The following DDX42 variants were observed in gnomAD, a reference collection of about 807,000 sequenced individuals.
DDX42 encodes the protein DEAD-box helicase 42.
In DDX42, 22 loss-of-function variants were observed where a neutral mutation model predicts 101.5. The ratio of observed to expected loss-of-function variants is 0.22; its 90% CI spans 0.15 to 0.31. DDX42 has a LOEUF of 0.31. Ranked by LOEUF, DDX42 falls within the 10% of genes least tolerant of loss-of-function variation. DDX42 has a pLI of 1.00. For synonymous variants in DDX42, 402 were observed against 401.2 expected (o/e 1.00, Z -0.02); for missense variants, 849 against 1,199.9 (o/e 0.71, Z 4.32).
chr17:63,797,801 A>G (rs2039711972), intron 3 of DDX42, among the ~76,000 whole-genome samples: 1 of 152,194 alleles, frequency 6.6e-6, no homozygotes, highest in South Asian at 2.1e-4. Context: ...ATTTTTGTTC[A>G]TTTTTCCATG....
intron 1 of DDX42, among the ~76,000 whole-genome samples, chr17:63,781,444 C>T (rs528263311): frequency 1.3e-5 from 2 of 152,098 alleles, no homozygotes; most frequent in South Asian, 2.1e-4. Context: ...GTCTTGATCT[C>T]CTGACCTTGT....
Position 63,800,530 on chromosome 17 carries a change from A to G in DDX42, c.534A>G (p.Glu178=), listed in dbSNP as rs2039749705. The G allele has an allele frequency of 6.2e-6, 10 of 1,614,112 alleles. No homozygotes were observed. The highest frequency in any genetic ancestry group is 7.6e-6 in the Non-Finnish European group (9 of 1,179,986). The change falls in exon 6 of 18, where the codon GAA becomes GAG. Residue 178 remains glutamate, a synonymous_variant. Transcript: ENST00000389924. The part of the protein sequence containing the change: ...PTAGVVQEEE[E]DNLEYDSDGN... ...CTGGTGTGGTTCAGGAGGAAGAGGA[A>G]GACAATCTAGAATATGATAGTGACG...
In DDX42 at chr17:63,818,712, G is replaced by A. The variant is rs916660637; in HGVS notation, c.*314G>A. On this transcript the variant is annotated 3_prime_UTR_variant, in exon 18 of 18. Transcript: ENST00000389924. ...ACAAAACTCACTCTAGGTTTATATTGTATGTAGCTTATATTTTTTACTAAG... is the reference window on the plus strand; with the variant it reads ...ACAAAACTCACTCTAGGTTTATATTATATGTAGCTTATATTTTTTACTAAG... 7.8e-6 allele frequency: 2 copies of A among 255,454 alleles called. No homozygotes were observed. The highest frequency in any genetic ancestry group is 4.4e-5 in the African/African-American group (2 of 45,482). The allele number at this position is 255,454 out of a possible 1,614,324, so 15.8% of individuals were successfully genotyped here.
At chr17:63,806,798 C>A in intron 8 of DDX42, 144 bp downstream of exon 8, 1 of 807,180 alleles carries the variant, frequency 1.2e-6, no homozygotes, top group Non-Finnish European at 1.7e-6. Context: ...CTTAAGAAGT[C>A]ACTAAATGGC....
Position 63,813,447 on chromosome 17 carries a change from C to G in DDX42, c.1895C>G (p.Ala632Gly). 1 of 1,613,672 alleles carries G rather than the reference C, an allele frequency of 6.2e-7. No homozygotes were observed. ...GTTTCTAAGGAACTCCTAGATCTGG[C>G]AATGCAGGTGAGGGGCTGGGCACAC... is the stretch of plus-strand genomic sequence containing the variant. The part of the protein sequence containing the change: ...QHVSKELLDL[A>G]MQNAWFRKSR... The change falls in exon 15 of 18, where the codon GCA (alanine) becomes GGA (glycine). Residue 632 changes from alanine to glycine, a missense_variant. Around this residue, in one of 5 missense-constraint regions of DDX42, gnomAD observed 86 missense variants for 160.8 expected, o/e 0.53. Coordinates refer to ENST00000389924, the MANE Select transcript of DDX42 (RefSeq NM_203499.3).
At chr17:63,813,861 A>G (rs551267689) in intron 15 of DDX42, among the ~76,000 whole-genome samples, 2 of 151,098 alleles carry the variant, frequency 1.3e-5, no homozygotes, top group Admixed American at 1.3e-4. Context: ...TTTTTTTGAG[A>G]CAGAATCTCA....
intron 8 of DDX42, among the ~76,000 whole-genome samples, chr17:63,806,865 AATTT>A (rs1194761108): frequency 1.3e-5 from 2 of 152,216 alleles, no homozygotes; most frequent in Non-Finnish European, 2.9e-5. Flanking sequence ...TGAAGAAAAT[AATTT>A]ATTAGGCCTA....
chr17:63,817,530 T>A (rs1473784115), intron 17 of DDX42, 164 bp from the exon 18 acceptor site: 14 of 653,488 alleles, frequency 2.1e-5, no homozygotes, highest in Non-Finnish European at 3.6e-5. Context: ...TTTTCCTTTA[T>A]AGCACAAGAA....
intron 7 of DDX42, 107 bp downstream of exon 7, chr17:63,805,282 C>T: frequency 7.4e-7 from 1 of 1,358,906 alleles, no homozygotes; most frequent in Non-Finnish European, 1.0e-6. Flanking sequence ...CTAATGGTCT[C>T]TGAACTGTCT....
chr17:63,776,045 A>G (rs1184623360), intron 1 of DDX42: 1 of 152,210 alleles, frequency 6.6e-6, no homozygotes, highest in Non-Finnish European at 1.5e-5. Context: ...ACTGACCTGT[A>G]TATAGTGTGT....
At position 63,812,103 on chromosome 17, in the gene DDX42, A is replaced by C. The variant is rs1295833567; in HGVS notation, c.1570A>C (p.Asn524His). Residue 524 changes from asparagine to histidine, a missense_variant, in exon 14 of 18, where the codon AAT becomes CAT. Physicochemically the swap from Asn to His is moderately conservative, Grantham distance 68. This residue lies in a region of DDX42 where 370 missense variants were observed against 608.8 expected (regional missense o/e 0.61). Coordinates refer to ENST00000389924, the MANE Select transcript of DDX42 (RefSeq NM_203499.3). ...GAATAACCTTAAACAGGAGGGTCAT[A>C]ATCTTGGGCTGCTCCATGGGGATAT... ...LANNLKQEGHNLGLLHGDMDQ... is the reference protein window; with the variant it reads ...LANNLKQEGHHLGLLHGDMDQ... 2 of 1,614,140 alleles carry C rather than the reference A, an allele frequency of 1.2e-6. No homozygotes were observed. Among genetic ancestry groups the C allele is most frequent in the African/African-American group, 2.7e-5 (2 of 74,948 alleles).
rs150912873 is a variant in DDX42 at position 63,806,645 on chromosome 17, A to C, written c.837A>C (p.Ile279=). ...CTGAATACACACAGCCCACTCCAAT[A>C]CAGTGCCAGGTAAGTAAAACATAAT... The part of the protein sequence containing the change: ...RKSEYTQPTP[I]QCQGVPVALS... Residue 279 remains isoleucine (I), a synonymous_variant, in exon 8 of 18, where the codon ATA becomes ATC. Transcript: ENST00000389924. The C allele has an allele frequency of 2.5e-6, 4 of 1,609,622 alleles. No individual in the cohort carries two copies. Among genetic ancestry groups the C allele is most frequent in the Non-Finnish European group, 2.5e-6 (3 of 1,178,316 alleles).
At chr17:63,792,600 T>A in intron 3 of DDX42, 38 bp downstream of exon 3, 2 of 1,573,062 alleles carry the variant, frequency 1.3e-6, no homozygotes, top group Non-Finnish European at 1.7e-6. Context: ...ATTTAGCAGT[T>A]AGAAATAGAT....
intron 1 of DDX42, among the ~76,000 whole-genome samples, chr17:63,781,006 C>A (rs1214781227): frequency 6.6e-6 from 1 of 152,036 alleles, no homozygotes; most frequent in Non-Finnish European, 1.5e-5. Context: ...GCCTATGTTT[C>A]TTTAAAAAAT....
Position 63,800,734 on chromosome 17 carries a change from T to C in DDX42, c.621+117T>C. ...TTACATCATGAGCGTATGCATCTTG[T>C]CATCTCTACTAAGTGGTTGAGCCAC... On this transcript the variant is annotated intron_variant, in intron 6 of 17. Transcript: ENST00000389924. 4 of 1,298,360 alleles carry C rather than the reference T, an allele frequency of 3.1e-6. No homozygotes were observed. The South Asian group carries it at 5.9e-5, about 19-fold the overall frequency. The allele number at this position is 1,298,360 out of a possible 1,614,324, so 80.4% of individuals were successfully genotyped here. A position where few individuals can be genotyped will look rare whatever the true frequency, so the allele number is the denominator to read the frequency against.
chr17:63,814,776 G>A (rs2039956772), intron 15 of DDX42, among the ~76,000 whole-genome samples: 1 of 141,286 alleles, frequency 7.1e-6, no homozygotes, highest in African/African-American at 2.6e-5. Context: ...TGCAACCTCT[G>A]CGTCTCCGGT....
rs748994752 is a variant in DDX42, at chr17:63,808,893, T to C, written c.1097T>C (p.Met366Thr). Residue 366 changes from methionine (M) to threonine (T), a missense_variant, in exon 10 of 18, where the codon ATG becomes ACG. Coordinates refer to ENST00000389924, the MANE Select transcript of DDX42 (RefSeq NM_203499.3). ...GTGGCCGTATATGGAGGAGGGAGTA[T>C]GTGGGAGCAGGCCAAGGCCCTTCAG... is the stretch of plus-strand genomic sequence containing the variant. ...RSVAVYGGGSMWEQAKALQEG... is the reference protein window; with the variant it reads ...RSVAVYGGGSTWEQAKALQEG... The C allele has an allele frequency of 4.3e-6, 7 of 1,613,990 alleles. No individual in the cohort carries two copies. The highest frequency in any genetic ancestry group is 5.9e-6 in the Non-Finnish European group (7 of 1,179,948).
At chr17:63,808,299 G>T (rs952650078) in intron 9 of DDX42, among the ~76,000 whole-genome samples, 1 of 152,046 alleles carries the variant, frequency 6.6e-6, no homozygotes, top group Non-Finnish European at 1.5e-5. Flanking sequence ...TGCCTCAGCC[G>T]AGAGGCTGGG....
chr17:63,809,625 T>C lies in DDX42; in HGVS notation c.1218T>C (p.Phe406=). 2 of 1,614,152 alleles carry C rather than the reference T, an allele frequency of 1.2e-6. No homozygotes were observed. Among genetic ancestry groups the C allele is most frequent in the Non-Finnish European group, 8.5e-7 (1 of 1,180,004 alleles). The change falls in exon 11 of 18, where the codon TTT becomes TTC. Residue 406 remains phenylalanine (F), a synonymous_variant. Coordinates refer to ENST00000389924, the MANE Select transcript of DDX42 (RefSeq NM_203499.3). ...TNLQRVSYLV[F]DEADRMFDMG... is the part of the protein sequence containing the mutation. ...TTCAAAGAGTCTCTTACCTTGTGTTTGATGAAGCAGATCGAATGTTTGACA... is the reference window on the plus strand; with the variant it reads ...TTCAAAGAGTCTCTTACCTTGTGTTCGATGAAGCAGATCGAATGTTTGACA...
Sources: gnomAD v4.1 joint callset for allele counts (sites outside exome capture counted in the v4.1 genomes callset) on GRCh38, gnomAD v4.1.1 for gene constraint, gnomAD v4.1.1 regional missense constraint, MANE v1.5 for transcripts, NCBI Gene and HGNC (gene_info 2026-07-23, HGNC 2026-07-21) for gene names.